Variants in PLCB1 observed in about 807,000 individuals in gnomAD.
PLCB1 encodes 1-phosphatidylinositol 4,5-bisphosphate phosphodiesterase beta-1.
In PLCB1, 46 loss-of-function variants were observed where a neutral mutation model predicts 161.8. The ratio of observed to expected loss-of-function variants is 0.28; its 90% CI spans 0.22 to 0.36. PLCB1 has a LOEUF of 0.36. PLCB1 is among the 10% of genes least tolerant of loss of function. The probability of loss-of-function intolerance (pLI) is 1.00; values close to 1 mark genes in which losing one functional copy is unlikely to be tolerated. For synonymous variants in PLCB1, 517 were observed against 503.7 expected (o/e 1.03, Z -0.35); for missense variants, 1,016 against 1,472.5 (o/e 0.69, Z 5.07).
At chr20:8,260,115 G>A (rs529380083) in intron 2 of PLCB1, among the ~76,000 whole-genome samples, 2 of 148,492 alleles carry the variant, frequency 1.3e-5, no homozygotes, top group Non-Finnish European at 3.0e-5. Flanking sequence ...TTTTCAGACA[G>A]TGTTGCCCAG....
chr20:8,782,539 C>T (rs1406991548), intron 27 of PLCB1, among the ~76,000 whole-genome samples: 9 of 152,018 alleles, frequency 5.9e-5, no homozygotes, highest in South Asian at 4.1e-4. Flanking sequence ...ACTACAGGCA[C>T]GCACCACCAT....
At chr20:8,739,688 G>A (rs573840547) in intron 21 of PLCB1, among the ~76,000 whole-genome samples, 66 of 152,330 alleles carry the variant, frequency 4.3e-4, no homozygotes, top group African/African-American at 1.4e-3. Flanking sequence ...TCTGGGTTGG[G>A]TCTATGTCTG....
rs1023475847 is a variant in PLCB1, at chr20:8,364,125, T to C, written c.178-7257T>C. The stretch of plus-strand genomic sequence containing the variant: ...AAAAAGTGCATTAAGAGAGATTGTC[T>C]GGGTTTTTTTGGTTCGGTATCTTCC... On this transcript the variant is annotated intron_variant, in intron 2 of 31. Transcript: ENST00000338037. Among the ~76,000 whole-genome samples, 3 of 152,158 alleles carry C rather than the reference T, an allele frequency of 2.0e-5. No individual in the cohort carries two copies. In the East Asian group the frequency reaches 5.8e-4, roughly 29 times the overall value.
chr20:8,519,917 A>G (rs975471356), intron 3 of PLCB1, among the ~76,000 whole-genome samples: 2 of 152,170 alleles, frequency 1.3e-5, no homozygotes, highest in African/African-American at 4.8e-5. Flanking sequence ...TTGGGCCAGA[A>G]CCATCAGTTT....
intron 23 of PLCB1, among the ~76,000 whole-genome samples, chr20:8,755,095 C>T (rs894256875): frequency 6.6e-6 from 1 of 152,170 alleles, no homozygotes; most frequent in African/African-American, 2.4e-5. Context: ...TAACTGATGT[C>T]CAGCCACTGC....
At chr20:8,643,826 G>C (rs1285578650) in intron 4 of PLCB1, among the ~76,000 whole-genome samples, 3 of 130,286 alleles carry the variant, frequency 2.3e-5, no homozygotes, top group Non-Finnish European at 3.3e-5. Flanking sequence ...CTCTTTCCAC[G>C]GTCTCCCTCT....
chr20:8,283,363 TAA>T (rs1323029977), intron 2 of PLCB1, among the ~76,000 whole-genome samples: 1 of 152,048 alleles, frequency 6.6e-6, no homozygotes, highest in African/African-American at 2.4e-5. Flanking sequence ...ATTCAAAACC[TAA>T]AGATACTGTT....
intron 2 of PLCB1, among the ~76,000 whole-genome samples, chr20:8,232,137 T>A (rs1375725223): frequency 6.6e-6 from 1 of 151,794 alleles, no homozygotes; most frequent in East Asian, 1.9e-4. Flanking sequence ...AGCCCAGGAG[T>A]TCAAGGCTGT....
At position 8,884,156 on chromosome 20, in the gene PLCB1, A is replaced by G. The variant is rs1172602182; in HGVS notation, c.*2307A>G. Reference sequence around the variant, plus strand: ...CCATTTACTGTAATCACATTTTTATATCTGTACAATGACACTTTTTGCAGT... The same window carrying G: ...CCATTTACTGTAATCACATTTTTATGTCTGTACAATGACACTTTTTGCAGT... On this transcript the variant is annotated 3_prime_UTR_variant, in exon 32 of 32. Coordinates refer to ENST00000338037, the MANE Select transcript of PLCB1 (RefSeq NM_015192.4). The G allele has an allele frequency of 1.3e-5, 2 of 152,508 alleles. No individual in the cohort carries two copies. The highest frequency in any genetic ancestry group is 4.8e-5 in the African/African-American group (2 of 41,442). The allele number at this position is 152,508 out of a possible 1,614,324, so 9.4% of individuals were successfully genotyped here.
chr20:8,744,619 A>ATAAAATTAAATAAAAT (rs1555787579), intron 23 of PLCB1, among the ~76,000 whole-genome samples: 10 of 119,320 alleles, frequency 8.4e-5, no homozygotes, highest in African/African-American at 2.6e-4. Flanking sequence ...AATAAAATAA[A>ATAAAATTAAATAAAAT]TAAAATAAAA....
chr20:8,437,135 A>C (rs1469747530), intron 3 of PLCB1, among the ~76,000 whole-genome samples: 1 of 152,118 alleles, frequency 6.6e-6, no homozygotes, highest in Non-Finnish European at 1.5e-5. Context: ...CCTGGAATGC[A>C]CGCCTTCCCC....
In PLCB1 at chr20:8,733,278, C is replaced by T. The variant is rs757435266; in HGVS notation, c.1929C>T (p.Asn643=). ...MQINMGMYEY[N]GKSGYRLKPE... ...TAAATATGGGGATGTATGAATACAACGGGAAGAGTGGCTACAGATTGAAGC... is the reference window on the plus strand; with the variant it reads ...TAAATATGGGGATGTATGAATACAATGGGAAGAGTGGCTACAGATTGAAGC... The change falls in exon 19 of 32, where the codon AAC becomes AAT. Residue 643 remains asparagine (N), a synonymous_variant. Coordinates refer to ENST00000338037, the MANE Select transcript of PLCB1 (RefSeq NM_015192.4). The T allele has an allele frequency of 9.3e-6, 15 of 1,613,692 alleles. No individual in the cohort carries two copies. In the East Asian group the frequency reaches 1.6e-4, roughly 17 times the overall value.
chr20:8,597,040 G>T (rs1448648391), intron 3 of PLCB1, among the ~76,000 whole-genome samples: 1 of 126,936 alleles, frequency 7.9e-6, no homozygotes, highest in Non-Finnish European at 1.6e-5. Context: ...CAGTCATGTC[G>T]TCTGCGAACA....
At chr20:8,517,499 A>G in intron 3 of PLCB1, among the ~76,000 whole-genome samples, 1 of 152,192 alleles carries the variant, frequency 6.6e-6, no homozygotes. Context: ...CTCATAGCCC[A>G]GTGGCAGTGG....
At chr20:8,424,511 A>G (rs1279768625) in intron 3 of PLCB1, among the ~76,000 whole-genome samples, 2 of 152,136 alleles carry the variant, frequency 1.3e-5, no homozygotes, top group African/African-American at 4.8e-5. Flanking sequence ...ACAAGACCAA[A>G]TGAGTGTCTC....
intron 9 of PLCB1, among the ~76,000 whole-genome samples, chr20:8,684,268 T>A (rs186886681): frequency 2.4e-3 from 328 of 138,382 alleles, no homozygotes; most frequent in African/African-American, 7.9e-3. Flanking sequence ...TTATTTATTT[T>A]TATTTTGAGA....
At chr20:8,473,585 A>G (rs1379907557) in intron 3 of PLCB1, among the ~76,000 whole-genome samples, 3 of 152,202 alleles carry the variant, frequency 2.0e-5, no homozygotes, top group Non-Finnish European at 2.9e-5. Flanking sequence ...TATCATTTCA[A>G]CAGGTGCCAT....
At chr20:8,836,525 T>G (rs922154144) in intron 31 of PLCB1, among the ~76,000 whole-genome samples, 2 of 84,604 alleles carry the variant, frequency 2.4e-5, no homozygotes, top group Non-Finnish European at 5.8e-5. Flanking sequence ...ATGAGTTTCC[T>G]GAATTGGTTC....
At chr20:8,335,944 G>GC (rs1356879528) in intron 2 of PLCB1, among the ~76,000 whole-genome samples, 12 of 152,306 alleles carry the variant, frequency 7.9e-5, no homozygotes, top group Admixed American at 2.0e-4. Flanking sequence ...TTGGGTTCTG[G>GC]CGCTGCTTCT....
Sources: gnomAD v4.1 joint callset for allele counts (sites outside exome capture counted in the v4.1 genomes callset) on GRCh38, gnomAD v4.1.1 for gene constraint, MANE v1.5 for transcripts, NCBI Gene and HGNC (gene_info 2026-07-23, HGNC 2026-07-21) for gene names.